The following SPTBN5 variants were observed in gnomAD, a reference collection of about 807,000 sequenced individuals.
The protein encoded by SPTBN5 is spectrin beta chain, non-erythrocytic 5.
SPTBN5 carries 513 observed loss-of-function variants against 477.6 expected under a neutral mutation model. That is an observed-to-expected ratio of 1.07 (90% CI 1.00 to 1.16). The LOEUF (loss-of-function observed/expected upper bound fraction) is 1.16. Among genes scored for constraint, SPTBN5 ranks in the 50% most tolerant of loss-of-function variants. SPTBN5 has a pLI of 0.00. For synonymous variants in SPTBN5, 2,169 were observed against 2,011.7 expected, an observed-to-expected ratio of 1.08 and a Z score of -2.09; for missense variants, 5,062 against 4,731.8, an observed-to-expected ratio of 1.07 and a Z score of -2.05.
chr15:41,889,558 C>T (rs1476109858), intron 4 of SPTBN5, among the ~76,000 whole-genome samples: 1 of 151,962 alleles, frequency 6.6e-6, no homozygotes, highest in Non-Finnish European at 1.5e-5. Flanking sequence ...GCTGGGACTA[C>T]AGGCATGTGC....
chr15:41,862,477 G>A lies in SPTBN5; in HGVS notation c.7385+62C>T, dbSNP rs2066145306. The A allele has an allele frequency of 7.1e-6, 11 of 1,555,616 alleles. No individual in the cohort carries two copies. The South Asian group carries it at 1.2e-4, about 17-fold the overall frequency. On this transcript the variant is annotated intron_variant, in intron 43 of 67. Transcript: ENST00000320955. ...CCTAGGGGAACACAGGGGCTGAGGG[G>A]AGGTGTGGGGACTGAGATGCTGGAG... is the stretch of plus-strand genomic sequence containing the variant.
chr15:41,854,116 C>T lies in SPTBN5; in HGVS notation c.9708G>A (p.Lys3236=). ...ACAGGCTGTGGCCTCCGTCCTCCCC[C>T]TTCATCAGGGCCGTCTTCTCCTGCA... ...GRMQEKTALM[K]GEDGGHSLSS... is the part of the protein sequence containing the mutation. Residue 3236 remains lysine, a synonymous_variant, in exon 57 of 68, where the codon AAG becomes AAA. Transcript: ENST00000320955. 1 of 1,588,822 alleles carries T rather than the reference C, an allele frequency of 6.3e-7. No individual in the cohort carries two copies. Among genetic ancestry groups the T allele is most frequent in the South Asian group, 1.2e-5 (1 of 86,950 alleles).
intron 67 of SPTBN5, among the ~76,000 whole-genome samples, chr15:41,849,055 C>T (rs923974165): frequency 6.6e-6 from 1 of 152,218 alleles, no homozygotes; most frequent in African/African-American, 2.4e-5. Context: ...GGTATGAGCC[C>T]TCCAGGCACA....
Position 41,854,951 on chromosome 15 carries a change from A to G in SPTBN5, c.9449T>C (p.Phe3150Ser). ...VKVLEEKFDA[F>S]RKEVQSLGQA... The stretch of plus-strand genomic sequence containing the variant: ...GCCCAGGCTCTGCACTTCCTTTCTG[A>G]AAGCATCAAACTTCTCTTCCAGCAC... Residue 3150 changes from phenylalanine (F) to serine (S), a missense_variant, in exon 56 of 68, where the codon TTC becomes TCC. Phe to Ser is a radical substitution (Grantham distance 155). Coordinates refer to ENST00000320955, the MANE Select transcript of SPTBN5 (RefSeq NM_016642.4). The G allele has an allele frequency of 6.4e-7, 1 of 1,555,846 alleles. No individual in the cohort carries two copies. Among genetic ancestry groups the G allele is most frequent in the African/African-American group, 1.4e-5 (1 of 72,688 alleles).
chr15:41,858,970 G>C lies in SPTBN5; in HGVS notation c.7999C>G (p.Leu2667Val), dbSNP rs1267485732. 1.3e-6 allele frequency: 2 copies of C among 1,563,782 alleles called. No individual in the cohort carries two copies. Among genetic ancestry groups the C allele is most frequent in the East Asian group, 2.3e-5 (1 of 43,634 alleles). ...CQAMLLRKEALFRQAGTRRHR... is the reference protein window; with the variant it reads ...CQAMLLRKEAVFRQAGTRRHR... Reference sequence around the variant, plus strand: ...CGGCGGGTCCCGGCTTGCCTGAAGAGCGCCTCCTTCCTGCCAGGAGGAGAG... The same window carrying C: ...CGGCGGGTCCCGGCTTGCCTGAAGACCGCCTCCTTCCTGCCAGGAGGAGAG... Residue 2667 changes from leucine (L) to valine (V), a missense_variant, in exon 48 of 68, where the codon CTC becomes GTC. Transcript: ENST00000320955.
In SPTBN5 at chr15:41,879,418, C is replaced by G; in HGVS notation, c.3024G>C (p.Glu1008Asp). 1 of 1,610,234 alleles carries G rather than the reference C, an allele frequency of 6.2e-7. No homozygotes were observed. The highest frequency in any genetic ancestry group is 1.3e-5 in the African/African-American group (1 of 75,030). ...GCAGCTGGACCTGTGTGGGTCCACA[C>G]TCCTGCAGAAAACTGCACACTTCCA... is the stretch of plus-strand genomic sequence containing the variant. The part of the protein sequence containing the change: ...HSVEVCSFLQ[E>D]CGPTQVQLRD... Residue 1008 changes from glutamate to aspartate, a missense_variant, in exon 16 of 68, where the codon GAG becomes GAC. Coordinates refer to ENST00000320955, the MANE Select transcript of SPTBN5 (RefSeq NM_016642.4).
intron 31 of SPTBN5, 54 bp downstream of exon 31, chr15:41,870,189 C>T (rs2066484361): frequency 6.6e-7 from 1 of 1,518,742 alleles, no homozygotes. Context: ...ACAGGCAGGC[C>T]AGCCTGAGGG....
Position 41,876,111 on chromosome 15 carries a change from C to A in SPTBN5, c.4122+3G>T. 1 of 1,596,188 alleles carries A rather than the reference C, an allele frequency of 6.3e-7. No homozygotes were observed. Among genetic ancestry groups the A allele is most frequent in the Non-Finnish European group, 8.5e-7 (1 of 1,175,302 alleles). Reference sequence around the variant, plus strand: ...TCTGCACCCTCTGTCCCGTGTCCCCCACCTGCTGCAGGGCCTCCACGTGTC... The same window carrying A: ...TCTGCACCCTCTGTCCCGTGTCCCCAACCTGCTGCAGGGCCTCCACGTGTC... On this transcript the variant is annotated splice_donor_region_variant and intron_variant, in intron 21 of 67. Transcript: ENST00000320955.
At chr15:41,865,932 G>T (rs781044157) in intron 38 of SPTBN5, 29 bp from the exon 39 acceptor site, 6 of 1,552,048 alleles carry the variant, frequency 3.9e-6, no homozygotes, top group Middle Eastern at 1.7e-4. Context: ...GGGAGGGAGC[G>T]CTGTGAGCAC....
chr15:41,876,778 T>C lies in SPTBN5; in HGVS notation c.3851+31A>G, dbSNP rs753161148. 58 of 1,608,364 alleles carry C rather than the reference T, an allele frequency of 3.6e-5. 1 individual carries two copies. In the East Asian group the frequency reaches 1.3e-3, roughly 36 times the overall value. On this transcript the variant is annotated intron_variant, in intron 19 of 67. Transcript: ENST00000320955. ...CTGTGCAGGCTGAGAAAGGGTCATC[T>C]GCAGGTGCTGCAGACTGAGGCCAGG...
At position 41,890,146 on chromosome 15, in the gene SPTBN5, C is replaced by A. The variant is rs367647353; in HGVS notation, c.444G>T (p.Leu148=). The A allele has an allele frequency of 1.6e-4, 265 of 1,613,216 alleles. No homozygotes were observed. Among genetic ancestry groups the A allele is most frequent in the Non-Finnish European group, 2.1e-4 (249 of 1,179,680 alleles). ...NIVDGDQTLI[L]GLIWVIILRF... ...GCAGAATGATGACCCAGATGAGTCC[C>A]AGGATGAGTGTCTGGTCTCCGTCCA... is the stretch of plus-strand genomic sequence containing the variant. Residue 148 remains leucine (L), a synonymous_variant, in exon 4 of 68, where the codon CTG becomes CTT. Coordinates refer to ENST00000320955, the MANE Select transcript of SPTBN5 (RefSeq NM_016642.4).
chr15:41,859,919 A>G (rs1349216678), intron 47 of SPTBN5, among the ~76,000 whole-genome samples: 2 of 152,170 alleles, frequency 1.3e-5, no homozygotes, highest in Non-Finnish European at 2.9e-5. Flanking sequence ...GAGAAGGACA[A>G]AAGCCCCCAC....
At chr15:41,887,521 C>G (rs2067193472) in intron 5 of SPTBN5, 80 bp from the exon 6 acceptor site, 1 of 1,097,382 alleles carries the variant, frequency 9.1e-7, no homozygotes, top group Non-Finnish European at 1.3e-6. Flanking sequence ...TGCACTCATG[C>G]TCCTATTGGC....
intron 30 of SPTBN5, 35 bp from the exon 31 acceptor site, chr15:41,870,388 GGAGCGTGGGCACT>G (rs756482400): frequency 6.2e-7 from 1 of 1,602,748 alleles, no homozygotes; most frequent in East Asian, 2.3e-5. Context: ...GATGAGGGAT[GGAGCGTGGGCACT>G]GAGCCTGGAG....
chr15:41,871,938 TC>T (rs1271846278), intron 27 of SPTBN5, 21 bp from the exon 28 acceptor site: 2 of 1,524,588 alleles, frequency 1.3e-6, no homozygotes, highest in African/African-American at 1.4e-5. Flanking sequence ...AGTCCGTGGT[TC>T]CCCAGAAGTG....
chr15:41,860,848 A>C, intron 46 of SPTBN5, 90 bp from the exon 47 acceptor site: 5 of 1,267,236 alleles, frequency 3.9e-6, no homozygotes, highest in Non-Finnish European at 5.2e-6. Flanking sequence ...ATCCTACCAA[A>C]TGCTCATCCA....
chr15:41,852,710 A>G lies in SPTBN5; in HGVS notation c.10373T>C (p.Leu3458Pro). Residue 3458 changes from leucine to proline, a missense_variant, in exon 61 of 68, where the codon CTG becomes CCG. Physicochemically the swap from Leu to Pro is moderately conservative, Grantham distance 98. Transcript: ENST00000320955. ...YGHSVSDVEL[L>P]LHRHQDLEKL... is the part of the protein sequence containing the mutation. ...TTCTAAGTCCTGGTGTCTGTGCAGC[A>G]GCAACTCCACATCTGACACTGAGTG... The G allele has an allele frequency of 6.2e-7, 1 of 1,613,318 alleles. No homozygotes were observed.
In SPTBN5 at chr15:41,873,750, C is replaced by T. The variant is rs981432430; in HGVS notation, c.4890+95G>A. On this transcript the variant is annotated intron_variant, in intron 25 of 67. Transcript: ENST00000320955. ...CCATCAGCTCCCAGCCCAGAGCCCC[C>T]ACCACTGATCCGCCTCCCTGAGAGT... is the stretch of plus-strand genomic sequence containing the variant. 10 of 1,542,092 alleles carry T rather than the reference C, an allele frequency of 6.5e-6. No individual in the cohort carries two copies. The Admixed American group carries it at 6.8e-5, about 11-fold the overall frequency.
chr15:41,878,902 C>A (rs1361451760), intron 16 of SPTBN5, among the ~76,000 whole-genome samples: 1 of 152,128 alleles, frequency 6.6e-6, no homozygotes, highest in Non-Finnish European at 1.5e-5. Context: ...CCCGTCTCTA[C>A]TAAAAATACA....
Sources: allele counts gnomAD v4.1 joint callset (sites outside exome capture counted in the v4.1 genomes callset), GRCh38; gene constraint gnomAD v4.1.1; transcripts MANE v1.5; gene names NCBI Gene and HGNC (gene_info 2026-07-23, HGNC 2026-07-21).